HOXC5: variants seen among roughly 807,000 people sequenced by gnomAD.
The protein encoded by HOXC5 is homeobox protein Hox-C5.
A neutral mutation model predicts 20.1 loss-of-function variants in HOXC5; 19 were observed. The observed-to-expected ratio is 0.94, with a 90% CI of 0.66 to 1.38. The LOEUF (loss-of-function observed/expected upper bound fraction) is 1.38. HOXC5 is among the 40% of genes most tolerant of loss of function. HOXC5 has a pLI of 0.00. For missense variants in HOXC5, 330 were observed against 300.1 expected (o/e 1.10, Z -0.74); for synonymous variants, 124 against 117.0 (o/e 1.06, Z -0.39).
the HOXC5 span, among the ~76,000 whole-genome samples, chr12:54,019,184 C>CA: frequency 7.3e-6 from 1 of 136,336 alleles, no homozygotes; most frequent in East Asian, 2.7e-4. Context: ...CCCACCCCCC[C>CA]ACCCCCAGTA....
chr12:54,024,272 G>A, the HOXC5 span, among the ~76,000 whole-genome samples: 220 of 152,274 alleles, frequency 1.4e-3, 1 homozygote, highest in Non-Finnish European at 2.4e-3. Context: ...AGCTGCGGTC[G>A]CGTCCAGGCA....
chr12:54,022,819 T>C, the HOXC5 span, among the ~76,000 whole-genome samples: 1 of 152,118 alleles, frequency 6.6e-6, no homozygotes, highest in Non-Finnish European at 1.5e-5. Flanking sequence ...TTCTTGAATT[T>C]TATAATTCTC....
intron 1 of HOXC5, chr12:54,033,920 G>C (rs1375549105): frequency 2.5e-5 from 10 of 392,176 alleles, no homozygotes; most frequent in Non-Finnish European, 5.0e-5. Flanking sequence ...CGGCTCCGCC[G>C]GCGCTTGCGG....
the HOXC5 span, among the ~76,000 whole-genome samples, chr12:54,026,944 C>A: frequency 1.5e-4 from 20 of 136,584 alleles, no homozygotes; most frequent in South Asian, 9.0e-4. Context: ...TTTCCCCCCC[C>A]CCAACCCACC....
the HOXC5 span, among the ~76,000 whole-genome samples, chr12:54,024,081 A>T: frequency 7.9e-5 from 12 of 152,382 alleles, no homozygotes; most frequent in Admixed American, 6.5e-4. Context: ...GTCGCTCCAG[A>T]ACAGCAAAGC....
upstream of HOXC5, among the ~76,000 whole-genome samples, chr12:54,031,156 C>T (rs906654594): frequency 2.6e-5 from 4 of 152,240 alleles, no homozygotes; most frequent in Admixed American, 2.6e-4. Context: ...CCGGTGTCCT[C>T]GGCGTCCGAA....
upstream of HOXC5, chr12:54,029,874 C>CG (rs765056816): frequency 1.2e-6 from 2 of 1,612,370 alleles, no homozygotes; most frequent in East Asian, 2.2e-5. Context: ...TCCACTCTCT[C>CG]GGGGGGCGGC....
chr12:54,023,219 G>T, the HOXC5 span, among the ~76,000 whole-genome samples: 1 of 152,206 alleles, frequency 6.6e-6, no homozygotes, highest in South Asian at 2.1e-4. Context: ...ATTTTTTCCA[G>T]ATGGAGCTGG....
chr12:54,018,130 C>T, the HOXC5 span, among the ~76,000 whole-genome samples: 1 of 152,064 alleles, frequency 6.6e-6, no homozygotes, highest in Non-Finnish European at 1.5e-5. Context: ...GTGGGAGGTG[C>T]CCTGCGTTGG....
chr12:54,029,203 G>GC (rs1024571922), upstream of HOXC5, among the ~76,000 whole-genome samples: 1 of 152,156 alleles, frequency 6.6e-6, no homozygotes, highest in Non-Finnish European at 1.5e-5. Context: ...AGATAGGGGA[G>GC]CCCCCCAAAG....
Position 54,034,715 on chromosome 12 carries a change from C to G in HOXC5, c.*223C>G. On this transcript the variant is annotated 3_prime_UTR_variant, in exon 2 of 2. Coordinates refer to ENST00000312492, the MANE Select transcript of HOXC5 (RefSeq NM_018953.4). ...TGCCCCATCTCCCCTCAGCTCGGCT[C>G]AGCTCGGTACCCGGGGCCCAGGGCA... 1.8e-6 allele frequency: 1 copy of G among 544,526 alleles called. No individual in the cohort carries two copies. 33.7% of individuals were successfully genotyped at this position (544,526 alleles called of 1,614,324 possible). A position where few individuals can be genotyped will look rare whatever the true frequency, so the allele number is the denominator to read the frequency against.
chr12:54,031,440 T>A (rs1940983381), upstream of HOXC5, among the ~76,000 whole-genome samples: 1 of 152,224 alleles, frequency 6.6e-6, no homozygotes, highest in Non-Finnish European at 1.5e-5. Flanking sequence ...ACTCCTGACG[T>A]GGCCGGGACA....
At chr12:54,018,250 T>A in the HOXC5 span, among the ~76,000 whole-genome samples, 1 of 152,278 alleles carries the variant, frequency 6.6e-6, no homozygotes, top group South Asian at 2.1e-4. Flanking sequence ...CCGGCGCCCC[T>A]CACCCCCAGC....
At chr12:54,019,779 T>C in the HOXC5 span, 1 of 152,028 alleles carries the variant, frequency 6.6e-6, no homozygotes, top group African/African-American at 2.4e-5. Flanking sequence ...GAGTTCGAGG[T>C]TGGCCGCTTA....
At chr12:54,021,010 A>C in the HOXC5 span, 1 of 152,230 alleles carries the variant, frequency 6.6e-6, no homozygotes. Flanking sequence ...AGCAGTTCGG[A>C]GTAGTCAGGG....
chr12:54,024,566 C>T, the HOXC5 span, among the ~76,000 whole-genome samples: 22 of 152,292 alleles, frequency 1.4e-4, no homozygotes, highest in African/African-American at 5.3e-4. Flanking sequence ...CTTCAAATAT[C>T]CCTCCCCAGG....
the HOXC5 span, among the ~76,000 whole-genome samples, chr12:54,026,110 C>G: frequency 2.0e-5 from 3 of 152,148 alleles, no homozygotes; most frequent in African/African-American, 7.2e-5. Context: ...CTAGCAATCT[C>G]TCTCTGAAAT....
the HOXC5 span, among the ~76,000 whole-genome samples, chr12:54,026,976 G>GA: frequency 0.25 from 35,188 of 142,944 alleles, 4,506 homozygotes; most frequent in East Asian, 0.35. Flanking sequence ...GGGGGGGGGG[G>GA]ATATGAGCTT....
In HOXC5 at chr12:54,033,344, C is replaced by A. The variant is rs920512069; in HGVS notation, c.222C>A (p.Pro74=). The part of the protein sequence containing the change: ...AANPRAHPDR[P]ACSAAAAPGH... ...ACCCCCGGGCTCACCCCGACCGCCC[C>A]GCCTGCAGCGCCGCGGCCGCTCCGG... Residue 74 remains proline, a synonymous_variant, in exon 1 of 2, where the codon CCC becomes CCA. Transcript: ENST00000312492. 2 of 1,613,010 alleles carry A rather than the reference C, an allele frequency of 1.2e-6. No individual in the cohort carries two copies. The highest frequency in any genetic ancestry group is 2.7e-5 in the African/African-American group (2 of 75,040).
Sources: gnomAD v4.1 joint callset for allele counts (sites outside exome capture counted in the v4.1 genomes callset) on GRCh38, gnomAD v4.1.1 for gene constraint, MANE v1.5 for transcripts, NCBI Gene and HGNC (gene_info 2026-07-23, HGNC 2026-07-21) for gene names.